ARK2C: variants seen among roughly 807,000 people sequenced by gnomAD.
ARK2C encodes E3 ubiquitin-protein ligase ARK2C.
chr18:46,355,929 T>C, the ARK2C span, among the ~76,000 whole-genome samples: 1 of 152,262 alleles, frequency 6.6e-6, no homozygotes, highest in African/African-American at 2.4e-5. Context: ...ATGATGATGA[T>C]GCAGATGGGC....
the ARK2C span, among the ~76,000 whole-genome samples, chr18:46,412,916 C>T: frequency 2.0e-5 from 3 of 152,128 alleles, no homozygotes; most frequent in African/African-American, 7.2e-5. Flanking sequence ...CCCTCTCTCC[C>T]TGACTAGGAC....
the ARK2C span, among the ~76,000 whole-genome samples, chr18:46,448,502 T>C: frequency 3.9e-5 from 6 of 152,206 alleles, no homozygotes; most frequent in South Asian, 8.3e-4. Context: ...TCAGGCAGAG[T>C]AGACCTTGCA....
At chr18:46,348,423 C>A in the ARK2C span, among the ~76,000 whole-genome samples, 2,497 of 152,274 alleles carry the variant, frequency 0.016, 70 homozygotes, top group African/African-American at 0.055. Flanking sequence ...ATAAAGTGCA[C>A]AGAACCTCTG....
chr18:46,399,661 G>A, the ARK2C span, among the ~76,000 whole-genome samples: 17 of 152,110 alleles, frequency 1.1e-4, no homozygotes, highest in African/African-American at 3.9e-4. Context: ...GGCCACCAGC[G>A]CTCTAGGAGC....
the ARK2C span, among the ~76,000 whole-genome samples, chr18:46,389,872 G>A: frequency 6.6e-6 from 1 of 152,098 alleles, no homozygotes; most frequent in Non-Finnish European, 1.5e-5. Context: ...GGGACTATAG[G>A]CACGTGCCAC....
chr18:46,381,034 G>A, the ARK2C span, among the ~76,000 whole-genome samples: 1 of 152,216 alleles, frequency 6.6e-6, no homozygotes, highest in African/African-American at 2.4e-5. Context: ...GGCCATGTGT[G>A]GGAGTGTGGG....
the ARK2C span, among the ~76,000 whole-genome samples, chr18:46,430,083 C>T: frequency 6.6e-6 from 1 of 152,230 alleles, no homozygotes; most frequent in South Asian, 2.1e-4. Context: ...CTGTCAGGTG[C>T]AGCCTTATTT....
chr18:46,419,637 G>A, the ARK2C span, among the ~76,000 whole-genome samples: 2 of 152,214 alleles, frequency 1.3e-5, no homozygotes, highest in African/African-American at 4.8e-5. Context: ...GGAGTGGGCA[G>A]CGCACAGCTG....
At chr18:46,455,856 A>C in the ARK2C span, 3 of 634,514 alleles carry the variant, frequency 4.7e-6, no homozygotes, top group Non-Finnish European at 8.4e-6. Context: ...AAAACAAACA[A>C]AAAAAGAAAC....
chr18:46,454,105 C>A, the ARK2C span, among the ~76,000 whole-genome samples: 1 of 99,342 alleles, frequency 1.0e-5, no homozygotes. Flanking sequence ...AGGGCAAGGC[C>A]GTCTCAAAAA....
the ARK2C span, among the ~76,000 whole-genome samples, chr18:46,437,918 G>A: frequency 2.6e-5 from 4 of 152,204 alleles, no homozygotes; most frequent in South Asian, 2.1e-4. Context: ...GAGCACCTCC[G>A]ATTGTCCTTT....
the ARK2C span, among the ~76,000 whole-genome samples, chr18:46,353,439 GAC>G: frequency 2.0e-5 from 3 of 152,184 alleles, no homozygotes; most frequent in South Asian, 6.2e-4. Flanking sequence ...GTGACCTCTT[GAC>G]AGGGTTGCTG....
chr18:46,356,211 C>G, the ARK2C span, among the ~76,000 whole-genome samples: 2 of 152,172 alleles, frequency 1.3e-5, no homozygotes, highest in Admixed American at 1.3e-4. Context: ...AATGTCAATC[C>G]GTGACCAGCC....
chr18:46,402,541 C>G, the ARK2C span, among the ~76,000 whole-genome samples: 2 of 151,942 alleles, frequency 1.3e-5, no homozygotes, highest in South Asian at 2.1e-4. Flanking sequence ...TCGAGAGAAT[C>G]TCTCTCTGTC....
At chr18:46,369,836 C>G in the ARK2C span, among the ~76,000 whole-genome samples, 1 of 152,208 alleles carries the variant, frequency 6.6e-6, no homozygotes, top group Non-Finnish European at 1.5e-5. Flanking sequence ...CTTGCTTTTC[C>G]TCTTAAGATC....
the ARK2C span, among the ~76,000 whole-genome samples, chr18:46,436,826 G>T: frequency 3.9e-5 from 6 of 152,192 alleles, no homozygotes; most frequent in Non-Finnish European, 5.9e-5. Context: ...AATTTGGATT[G>T]AATTCTGTCC....
chr18:46,356,362 A>G, the ARK2C span, among the ~76,000 whole-genome samples: 1 of 152,124 alleles, frequency 6.6e-6, no homozygotes, highest in Non-Finnish European at 1.5e-5. Flanking sequence ...GACATGTGCC[A>G]TGGTGCAAAA....
chr18:46,432,826 T>A, the ARK2C span, among the ~76,000 whole-genome samples: 1 of 152,086 alleles, frequency 6.6e-6, no homozygotes, highest in African/African-American at 2.4e-5. Context: ...GCGCCTGTAG[T>A]CCCAGCTACT....
At chr18:46,424,950 C>T in the ARK2C span, among the ~76,000 whole-genome samples, 23 of 152,204 alleles carry the variant, frequency 1.5e-4, no homozygotes, top group Admixed American at 1.4e-3. Context: ...CAAAAAGGAG[C>T]CAGCGCTGAA....
Sources: gnomAD v4.1 joint callset for allele counts (sites outside exome capture counted in the v4.1 genomes callset) on GRCh38, gnomAD v4.1.1 for gene constraint, MANE v1.5 for transcripts, NCBI Gene and HGNC (gene_info 2026-07-23, HGNC 2026-07-21) for gene names.